Variants in CHKA observed in about 807,000 individuals in gnomAD.
CHKA encodes the protein CHETK-alpha.
A neutral mutation model predicts 60.1 loss-of-function variants in CHKA; 34 were observed. The observed-to-expected ratio is 0.57, with a 90% CI of 0.43 to 0.75. CHKA has a LOEUF of 0.75. CHKA is among the 30% of genes least tolerant of loss of function. The probability of loss-of-function intolerance (pLI) is 0.00; values close to 1 mark genes in which losing one functional copy is unlikely to be tolerated. For synonymous variants in CHKA, 217 were observed against 223.1 expected (o/e 0.97, Z 0.24); for missense variants, 563 against 561.3 (o/e 1.00, Z -0.03).
chr11:68,105,783 G>A (rs1423941986), intron 1 of CHKA, among the ~76,000 whole-genome samples: 2 of 152,054 alleles, frequency 1.3e-5, no homozygotes, highest in Non-Finnish European at 2.9e-5. Context: ...ATATTTTGCT[G>A]AAAAGCAAAA....
At chr11:68,096,965 AGGATTTAAAATGTTAACAG>A in intron 2 of CHKA, 35 bp downstream of exon 2, 1 of 1,234,716 alleles carries the variant, frequency 8.1e-7, no homozygotes, top group African/African-American at 1.5e-5. Flanking sequence ...CTCAGCAAAG[AGGATTTAAAATGTTAACAG>A]GATCCCCCCC....
At chr11:68,089,037 A>C (rs1857270712) in intron 2 of CHKA, among the ~76,000 whole-genome samples, 1 of 152,238 alleles carries the variant, frequency 6.6e-6, no homozygotes, top group African/African-American at 2.4e-5. Context: ...GGACCAGCCT[A>C]AAACACCTTG....
intron 2 of CHKA, among the ~76,000 whole-genome samples, chr11:68,095,721 AAAAAAAAAAAAAAC>A (rs1468935703): frequency 6.3e-5 from 9 of 143,198 alleles, no homozygotes; most frequent in Non-Finnish European, 1.2e-4. Flanking sequence ...AAAAAAAAAA[AAAAAAAAAAAAAAC>A]AACAGGTATC....
intron 11 of CHKA, among the ~76,000 whole-genome samples, chr11:68,057,480 C>T (rs907487591): frequency 1.3e-5 from 2 of 152,016 alleles, no homozygotes; most frequent in African/African-American, 2.4e-5. Context: ...CCACCAGGCC[C>T]GGCTAATTTT....
At chr11:68,080,840 T>A (rs1189970573) in intron 3 of CHKA, among the ~76,000 whole-genome samples, 1 of 152,256 alleles carries the variant, frequency 6.6e-6, no homozygotes, top group Non-Finnish European at 1.5e-5. Context: ...GACCCCTGCC[T>A]CTGAGGCTCC....
intron 1 of CHKA, among the ~76,000 whole-genome samples, chr11:68,112,143 A>C (rs1858175077): frequency 6.6e-6 from 1 of 151,710 alleles, no homozygotes; most frequent in Non-Finnish European, 1.5e-5. Flanking sequence ...CTTCCCAAAA[A>C]TTAAATCAAA....
chr11:68,103,888 G>A (rs957489318), intron 1 of CHKA, among the ~76,000 whole-genome samples: 3 of 151,854 alleles, frequency 2.0e-5, no homozygotes, highest in Admixed American at 6.6e-5. Flanking sequence ...ACTCCAGCCT[G>A]GGAGACAGAG....
At chr11:68,114,719 A>C (rs1230572004) in intron 1 of CHKA, among the ~76,000 whole-genome samples, 11 of 151,984 alleles carry the variant, frequency 7.2e-5, no homozygotes, top group Non-Finnish European at 1.2e-4. Flanking sequence ...AAAAAGAAGA[A>C]GAAAAGACAA....
At chr11:68,081,550 AACATC>A in intron 2 of CHKA, 93 bp from the exon 3 acceptor site, 1 of 985,926 alleles carries the variant, frequency 1.0e-6, no homozygotes, top group Non-Finnish European at 1.6e-6. Flanking sequence ...GGGTTTACAA[AACATC>A]ACAGGTCTTT....
intron 11 of CHKA, among the ~76,000 whole-genome samples, chr11:68,058,601 G>C (rs1309740986): frequency 6.6e-6 from 1 of 152,106 alleles, no homozygotes; most frequent in Non-Finnish European, 1.5e-5. Context: ...TACTGACCTT[G>C]TATCTTGTGA....
At chr11:68,094,363 GAAAC>G (rs1394486697) in intron 2 of CHKA, among the ~76,000 whole-genome samples, 1 of 152,078 alleles carries the variant, frequency 6.6e-6, no homozygotes, top group East Asian at 1.9e-4. Flanking sequence ...GAAACATGGT[GAAAC>G]CCTGCCTCTA....
At chr11:68,074,083 A>G (rs574265950) in intron 4 of CHKA, among the ~76,000 whole-genome samples, 4 of 152,272 alleles carry the variant, frequency 2.6e-5, no homozygotes, top group South Asian at 2.1e-4. Flanking sequence ...GAGGAACAGG[A>G]CCTATGCTTT....
chr11:68,055,659 C>A (rs867243931), intron 11 of CHKA, among the ~76,000 whole-genome samples: 5 of 152,204 alleles, frequency 3.3e-5, no homozygotes, highest in Non-Finnish European at 7.3e-5. Context: ...CTTTGATTCA[C>A]ATTTCTTTAA....
chr11:68,074,597 A>T, intron 4 of CHKA, 120 bp downstream of exon 4: 2 of 812,440 alleles, frequency 2.5e-6, no homozygotes, highest in Non-Finnish European at 4.3e-6. Flanking sequence ...GATACAGTTT[A>T]ATGACATAGG....
intron 10 of CHKA, among the ~76,000 whole-genome samples, chr11:68,063,644 C>G (rs1217000950): frequency 1.3e-5 from 2 of 152,138 alleles, no homozygotes; most frequent in African/African-American, 2.4e-5. Flanking sequence ...TCTGTCTCCC[C>G]ACCCAAATCT....
chr11:68,069,424 C>A lies in CHKA; in HGVS notation c.870-487G>T, dbSNP rs562242887. On this transcript the variant is annotated intron_variant, in intron 6 of 11. Coordinates refer to ENST00000265689, the MANE Select transcript of CHKA (RefSeq NM_001277.3). ...ACTTGTGGCTGGGTGTGGTGGCTCG[C>A]GCCTGTAATCCTAGCACTTTGGGAG... Among the ~76,000 whole-genome samples the A allele has an allele frequency of 2.6e-5, 4 of 152,012 alleles. No individual in the cohort carries two copies. In the East Asian group the frequency reaches 7.7e-4, roughly 29 times the overall value.
At chr11:68,081,348 G>T in intron 3 of CHKA, 56 bp downstream of exon 3, 1 of 1,436,320 alleles carries the variant, frequency 7.0e-7, no homozygotes, top group Non-Finnish European at 9.8e-7. Context: ...GAGTAGCGAA[G>T]GGTGGCTAAC....
At chr11:68,072,107 A>G (rs900453196) in intron 4 of CHKA, among the ~76,000 whole-genome samples, 9 of 152,360 alleles carry the variant, frequency 5.9e-5, no homozygotes, top group African/African-American at 1.7e-4. Flanking sequence ...AGATATGAAC[A>G]AATCTCAGTA....
chr11:68,085,760 GTTTGT>G (rs889760207), intron 2 of CHKA, among the ~76,000 whole-genome samples: 13 of 151,746 alleles, frequency 8.6e-5, no homozygotes, highest in African/African-American at 3.1e-4. Flanking sequence ...GGGTTTTTTT[GTTTGT>G]TTTGTTTTTT....
Sources: allele counts gnomAD v4.1 joint callset (sites outside exome capture counted in the v4.1 genomes callset), GRCh38; gene constraint gnomAD v4.1.1; transcripts MANE v1.5; gene names NCBI Gene and HGNC (gene_info 2026-07-23, HGNC 2026-07-21).